CCDC197: variants seen among roughly 807,000 people sequenced by gnomAD.
CCDC197 encodes uncharacterized protein CCDC197.
Under a neutral mutation model 13.4 loss-of-function variants are expected in CCDC197, and 24 were observed. The observed-to-expected ratio is 1.80, with a 90% CI of 1.30 to 2.53. CCDC197 has a LOEUF of 2.53. CCDC197 is among the 30% of genes most tolerant of loss of function. CCDC197 has a pLI of 0.00. For missense variants in CCDC197, 255 were observed against 148.8 expected (o/e 1.71, Z -3.71); for synonymous variants, 99 against 55.5 (o/e 1.78, Z -3.48).
intron 1 of CCDC197, 135 bp from the exon 2 acceptor site, chr14:93,997,864 C>A (rs1890365809): frequency 8.7e-6 from 4 of 461,320 alleles, no homozygotes; most frequent in Non-Finnish European, 1.6e-5. Flanking sequence ...CACCCTCAAC[C>A]TCTCCAGAGC....
downstream of CCDC197, chr14:94,008,885 A>C (rs78100560): frequency 0.021 from 13,379 of 650,294 alleles, 319 homozygotes; most frequent in East Asian, 0.075. Flanking sequence ...CTCACCACCA[A>C]CATCTCTAAG....
exon 1 of CCDC197, chr14:93,987,282 T>G (rs1890114092): frequency 6.6e-6 from 1 of 152,294 alleles, no homozygotes; most frequent in African/African-American, 2.4e-5. Flanking sequence ...GGCCTTCAGA[T>G]GATCTCCACG....
At chr14:93,993,856 G>C (rs532593083), upstream of CCDC197, among the ~76,000 whole-genome samples, 3 of 152,304 alleles carry the variant, frequency 2.0e-5, no homozygotes, top group African/African-American at 7.2e-5. Flanking sequence ...CAAGGCCCAG[G>C]GGGTAGAGGC....
chr14:93,998,742 A>G (rs553996902), intron 2 of CCDC197, among the ~76,000 whole-genome samples: 127 of 152,378 alleles, frequency 8.3e-4, no homozygotes, highest in Non-Finnish European at 1.5e-3. Context: ...CCTGATCCCA[A>G]TACGGTTTAG....
intron 6 of CCDC197, among the ~76,000 whole-genome samples, chr14:94,007,835 G>A (rs139536745): frequency 6.6e-6 from 1 of 152,298 alleles, no homozygotes; most frequent in African/African-American, 2.4e-5. Flanking sequence ...TGAGGGGCAG[G>A]TCTCTTCCCT....
chr14:94,006,582 C>T (rs763152425), intron 6 of CCDC197, among the ~76,000 whole-genome samples: 3 of 151,212 alleles, frequency 2.0e-5, no homozygotes, highest in Non-Finnish European at 4.4e-5. Flanking sequence ...GTCTCGAACT[C>T]CTGACCTCAA....
At chr14:93,992,700 C>T (rs1391255349), upstream of CCDC197, among the ~76,000 whole-genome samples, 3 of 152,244 alleles carry the variant, frequency 2.0e-5, no homozygotes, top group South Asian at 4.1e-4. Context: ...ACCAGAGCCT[C>T]CATCCTCCAC....
chr14:94,008,914 G>A (rs1890761508), downstream of CCDC197: 2 of 618,484 alleles, frequency 3.2e-6, no homozygotes. Context: ...AGAGAGTCTG[G>A]GGGCATTGAG....
chr14:94,011,675 A>C (rs1049275452), downstream of CCDC197, among the ~76,000 whole-genome samples: 1 of 152,242 alleles, frequency 6.6e-6, no homozygotes, highest in African/African-American at 2.4e-5. Context: ...AAAAATAAAA[A>C]GCACTAGTTC....
intron 6 of CCDC197, among the ~76,000 whole-genome samples, chr14:94,006,074 C>T (rs570896589): frequency 6.6e-6 from 1 of 152,290 alleles, no homozygotes; most frequent in African/African-American, 2.4e-5. Flanking sequence ...CGAAGAACTG[C>T]CAAACTCTTT....
Position 93,989,958 on chromosome 14 carries a change from C to A in CCDC197, c.-107+2562C>A, listed in dbSNP as rs147416438. On this transcript the variant is annotated intron_variant, in intron 1 of 7. Coordinates refer to the CCDC197 transcript ENST00000640978. ...CTGCTGGTCGGGCCTGTTCTTAGCT[C>A]CTAGTGGCTTCTCTGGTCTTTGCCC... Among the ~76,000 whole-genome samples the A allele has an allele frequency of 4.2e-3, 638 of 152,314 alleles. 9 individuals are homozygous for A. Among genetic ancestry groups the A allele is most frequent in the South Asian group, 0.019 (90 of 4,828 alleles).
rs1211275289 is a variant in CCDC197, at chr14:94,003,706, GAC to G, written c.498+362_498+363del. Among the ~76,000 whole-genome samples the G allele has an allele frequency of 6.6e-6, 1 of 152,016 alleles. No individual in the cohort carries two copies. The highest frequency in any genetic ancestry group is 1.9e-4 in the East Asian group (1 of 5,160). On this transcript the variant is annotated intron_variant, in intron 5 of 6. Coordinates refer to ENST00000636493, the MANE Select transcript of CCDC197 (RefSeq NM_001351596.2). The surrounding 1 kb of genome is among the most constrained non-coding windows in gnomAD (Gnocchi z 5.0). The stretch of plus-strand genomic sequence containing the variant: ...ACATGCAGAGACATACATAGAGACA[GAC>G]ACACACACAGACAGACCCACACCAC...
rs369861829 is a variant in CCDC197 at position 94,001,278 on chromosome 14, C to T, written c.321C>T (p.His107=). ...TCTGCCAGATGATCCAGGCTGTCCACCGGAGCCTGGAGTCTCTGGAGGAGG... is the reference window on the plus strand; with the variant it reads ...TCTGCCAGATGATCCAGGCTGTCCATCGGAGCCTGGAGTCTCTGGAGGAGG... ...EAFCQMIQAV[H]RSLESLEEDH... is the part of the protein sequence containing the mutation. The change falls in exon 4 of 7, where the codon CAC becomes CAT. Residue 107 remains histidine (H), a synonymous_variant. Coordinates refer to ENST00000636493, the MANE Select transcript of CCDC197 (RefSeq NM_001351596.2). The T allele has an allele frequency of 1.5e-5, 12 of 780,492 alleles. No individual in the cohort carries two copies. The highest frequency in any genetic ancestry group is 1.0e-4 in the African/African-American group (6 of 59,152). 48.3% of individuals were successfully genotyped at this position (780,492 alleles called of 1,614,324 possible).
At chr14:93,989,690 C>T (rs1890173303) in intron 1 of CCDC197, among the ~76,000 whole-genome samples, 1 of 152,214 alleles carries the variant, frequency 6.6e-6, no homozygotes, top group South Asian at 2.1e-4. Flanking sequence ...AAGATCAAGA[C>T]TCATTCTTAG....
intron 1 of CCDC197, among the ~76,000 whole-genome samples, chr14:93,987,938 G>A (rs1595345502): frequency 6.7e-6 from 1 of 148,160 alleles, no homozygotes; most frequent in Non-Finnish European, 1.5e-5. Context: ...GCGGGAGGGA[G>A]GTGGGAAGGA....
At chr14:93,996,441 G>T (rs1237335031), upstream of CCDC197, among the ~76,000 whole-genome samples, 1 of 147,996 alleles carries the variant, frequency 6.8e-6, no homozygotes, top group East Asian at 1.9e-4. Flanking sequence ...GCCCCAGCCC[G>T]AGCCTTTGAT....
intron 6 of CCDC197, chr14:94,006,861 A>C (rs7143975): frequency 6.6e-6 from 1 of 151,872 alleles, no homozygotes; most frequent in Non-Finnish European, 1.5e-5. Context: ...GTCTCAGTCT[A>C]TCACCCAGGC....
rs1033234049 is a variant in CCDC197 at position 93,997,826 on chromosome 14, C to T, written c.-133-173C>T. Among the ~76,000 whole-genome samples the T allele has an allele frequency of 1.2e-4, 19 of 152,170 alleles. 1 individual carries two copies. Among genetic ancestry groups the T allele is most frequent in the African/African-American group, 4.6e-4 (19 of 41,438 alleles). The stretch of plus-strand genomic sequence containing the variant: ...TGGGGCTGTACCAGTTATAGGGCCG[C>T]AAGTGAAACAAGGCCCCTGCAGAAT... On this transcript the variant is annotated intron_variant, in intron 1 of 6. Transcript: ENST00000636493.
chr14:93,997,921 G>A (rs1432619936), intron 1 of CCDC197, 78 bp from the exon 2 acceptor site: 1 of 582,144 alleles, frequency 1.7e-6, no homozygotes, highest in East Asian at 2.9e-5. Flanking sequence ...AATGAGCCCT[G>A]GGTCCTCATC....
Sources: gnomAD v4.1 joint callset for allele counts (sites outside exome capture counted in the v4.1 genomes callset) on GRCh38, gnomAD v4.1.1 for gene constraint, Gnocchi (gnomAD v3.1) non-coding constraint, MANE v1.5 for transcripts, NCBI Gene and HGNC (gene_info 2026-07-23, HGNC 2026-07-21) for gene names.